ARHGEF28: variants seen among roughly 807,000 people sequenced by gnomAD.
ARHGEF28 encodes the protein 190 kDa guanine nucleotide exchange factor.
ARHGEF28 carries 152 observed loss-of-function variants against 206.6 expected under a neutral mutation model. The ratio of observed to expected loss-of-function variants is 0.74; its 90% CI spans 0.64 to 0.84. The LOEUF is 0.84. Ranked by LOEUF, ARHGEF28 falls within the 40% of genes least tolerant of loss-of-function variation. The pLI, the probability that ARHGEF28 is intolerant of heterozygous loss-of-function variation, is 0.00. For synonymous variants in ARHGEF28, 763 were observed against 776.4 expected, an observed-to-expected ratio of 0.98 and a Z score of 0.29; for missense variants, 2,028 against 2,073.2, an observed-to-expected ratio of 0.98 and a Z score of 0.42.
At chr5:73,892,748 C>T (rs1761721959) in intron 27 of ARHGEF28, among the ~76,000 whole-genome samples, 1 of 152,142 alleles carries the variant, frequency 6.6e-6, no homozygotes, top group Non-Finnish European at 1.5e-5. Context: ...ATTTATTCCT[C>T]ATTACTTGTG....
At chr5:73,674,094 T>C (rs1746509926) in intron 1 of ARHGEF28, among the ~76,000 whole-genome samples, 1 of 151,620 alleles carries the variant, frequency 6.6e-6, no homozygotes, top group South Asian at 2.1e-4. Context: ...TCACTTGAAC[T>C]GGGGAGGTCA....
chr5:73,741,321 C>T (rs1166399073), intron 2 of ARHGEF28, among the ~76,000 whole-genome samples: 2 of 136,760 alleles, frequency 1.5e-5, no homozygotes, highest in East Asian at 2.2e-4. Flanking sequence ...GGGTGAAAGT[C>T]GTCTAGATTT....
chr5:73,780,880 A>C (rs1320948612), intron 7 of ARHGEF28, 135 bp downstream of exon 7: 2 of 852,106 alleles, frequency 2.3e-6, no homozygotes, highest in African/African-American at 3.4e-5. Flanking sequence ...TGTGGGATAC[A>C]GCAAAGCCCC....
chr5:73,830,998 T>A (rs1757264787), intron 9 of ARHGEF28, among the ~76,000 whole-genome samples: 1 of 152,200 alleles, frequency 6.6e-6, no homozygotes, highest in African/African-American at 2.4e-5. Context: ...ACATTGACTC[T>A]GCCCTGTGAA....
intron 2 of ARHGEF28, among the ~76,000 whole-genome samples, chr5:73,722,309 G>T (rs1750006869): frequency 6.6e-6 from 1 of 152,190 alleles, no homozygotes; most frequent in African/African-American, 2.4e-5. Flanking sequence ...TACTTACCCA[G>T]TGTGCTAAGT....
At chr5:73,685,317 G>A (rs1197369880) in intron 2 of ARHGEF28, among the ~76,000 whole-genome samples, 9 of 152,142 alleles carry the variant, frequency 5.9e-5, no homozygotes, top group Non-Finnish European at 4.4e-5. Context: ...GGGAGTTGGC[G>A]CTGGGGGGGA....
At chr5:73,642,918 C>T (rs546199702) in intron 1 of ARHGEF28, among the ~76,000 whole-genome samples, 1 of 152,288 alleles carries the variant, frequency 6.6e-6, no homozygotes, top group South Asian at 2.1e-4. Flanking sequence ...TCTATGTAAA[C>T]TTCAAACTTG....
At chr5:73,716,554 T>C (rs1749597575) in intron 2 of ARHGEF28, among the ~76,000 whole-genome samples, 1 of 152,142 alleles carries the variant, frequency 6.6e-6, no homozygotes, top group Non-Finnish European at 1.5e-5. Context: ...AGCGTCCTCA[T>C]TGTGGGGAGA....
At position 73,675,945 on chromosome 5, in the gene ARHGEF28, C is replaced by A. The variant is rs953999248; in HGVS notation, c.-11-8896C>A. ...GTGGTAATTCTAGGAATGGATAGAA[C>A]GTGAACCGTGTGTGTGTCTGTGTGT... On this transcript the variant is annotated intron_variant, in intron 1 of 35. Coordinates refer to ENST00000513042, the MANE Select transcript of ARHGEF28 (RefSeq NM_001177693.2). 3.3e-5 allele frequency among the ~76,000 whole-genome samples: 5 copies of A among 151,596 alleles called. No homozygotes were observed. The South Asian group carries it at 8.3e-4, about 25-fold the overall frequency.
intron 1 of ARHGEF28, among the ~76,000 whole-genome samples, chr5:73,670,189 TG>T (rs1318389248): frequency 2.6e-5 from 4 of 152,206 alleles, no homozygotes; most frequent in African/African-American, 9.7e-5. Flanking sequence ...AATCTGCCAC[TG>T]TCTTCCGTAT....
At chr5:73,688,978 C>T (rs1376473537) in intron 2 of ARHGEF28, among the ~76,000 whole-genome samples, 1 of 152,172 alleles carries the variant, frequency 6.6e-6, no homozygotes, top group Non-Finnish European at 1.5e-5. Context: ...TTGTTTTCCA[C>T]TTAAGTTTTC....
At chr5:73,789,169 A>G (rs1754321155) in intron 7 of ARHGEF28, among the ~76,000 whole-genome samples, 2 of 152,216 alleles carry the variant, frequency 1.3e-5, no homozygotes, top group Non-Finnish European at 1.5e-5. Flanking sequence ...GATACCTCCT[A>G]TCTATCTATC....
chr5:73,840,840 C>G (rs967786303), intron 11 of ARHGEF28, 80 bp downstream of exon 11: 18 of 1,402,838 alleles, frequency 1.3e-5, no homozygotes, highest in Non-Finnish European at 1.6e-5. Context: ...TAGTTTTAAA[C>G]TTTTTATTGT....
At chr5:73,667,005 C>G (rs1745999281) in intron 1 of ARHGEF28, among the ~76,000 whole-genome samples, 1 of 150,758 alleles carries the variant, frequency 6.6e-6, no homozygotes, top group African/African-American at 2.4e-5. Flanking sequence ...ACTGTGCATT[C>G]TCTGTAGACT....
chr5:73,898,170 C>T (rs1186002550), intron 30 of ARHGEF28, 77 bp downstream of exon 30: 1 of 1,513,544 alleles, frequency 6.6e-7, no homozygotes, highest in Admixed American at 2.0e-5. Context: ...AAAGTAAAGG[C>T]AATGACTGTC....
At chr5:73,780,822 G>A (rs1446847876) in intron 7 of ARHGEF28, 77 bp downstream of exon 7, 4 of 1,484,938 alleles carry the variant, frequency 2.7e-6, no homozygotes, top group East Asian at 4.9e-5. Flanking sequence ...GTTGAAGTGT[G>A]TGGTGAAGCC....
chr5:73,691,259 T>C (rs933409225), intron 2 of ARHGEF28, among the ~76,000 whole-genome samples: 1 of 151,628 alleles, frequency 6.6e-6, no homozygotes, highest in African/African-American at 2.4e-5. Context: ...ACTTTATTAG[T>C]ATTTTGGTAA....
At chr5:73,757,136 G>T (rs6880187) in intron 4 of ARHGEF28, among the ~76,000 whole-genome samples, 2 of 151,964 alleles carry the variant, frequency 1.3e-5, no homozygotes, top group South Asian at 2.1e-4. Flanking sequence ...TGTGCTTATA[G>T]GTCTTTTTTA....
chr5:73,888,736 G>A (rs566851679), intron 26 of ARHGEF28, among the ~76,000 whole-genome samples: 12 of 152,238 alleles, frequency 7.9e-5, no homozygotes, highest in Non-Finnish European at 1.0e-4. Context: ...AACTTAGAGC[G>A]CGCCTGGAAA....
Sources: gnomAD v4.1 joint callset for allele counts (sites outside exome capture counted in the v4.1 genomes callset) on GRCh38, gnomAD v4.1.1 for gene constraint, MANE v1.5 for transcripts, NCBI Gene and HGNC (gene_info 2026-07-23, HGNC 2026-07-21) for gene names.